Variants in PRDM5 observed in about 807,000 individuals in gnomAD.
The protein encoded by PRDM5 is PR domain zinc finger protein 5.
In PRDM5, 56 loss-of-function variants were observed where a neutral mutation model predicts 81.2. The ratio of observed to expected loss-of-function variants is 0.69; its 90% CI spans 0.56 to 0.86. The LOEUF is 0.86. Ranked by LOEUF, PRDM5 falls within the 40% of genes least tolerant of loss-of-function variation. The pLI, the probability that PRDM5 is intolerant of heterozygous loss-of-function variation, is 0.00. For synonymous variants in PRDM5, 267 were observed against 256.4 expected (o/e 1.04, Z -0.39); for missense variants, 697 against 770.1 (o/e 0.91, Z 1.12).
chr4:120,687,528 C>T (rs534103040), downstream of PRDM5, among the ~76,000 whole-genome samples: 1 of 151,992 alleles, frequency 6.6e-6, no homozygotes, highest in Admixed American at 6.6e-5. Flanking sequence ...TCCATTCATC[C>T]ACTGATGAAC....
At chr4:120,758,077 G>A (rs1215983798) in intron 13 of PRDM5, among the ~76,000 whole-genome samples, 3 of 152,038 alleles carry the variant, frequency 2.0e-5, no homozygotes, top group African/African-American at 7.3e-5. Flanking sequence ...TTACATCATT[G>A]GCTCACCTGG....
intron 13 of PRDM5, among the ~76,000 whole-genome samples, chr4:120,766,604 T>C (rs562242523): frequency 6.6e-6 from 1 of 152,270 alleles, no homozygotes; most frequent in South Asian, 2.1e-4. Flanking sequence ...CTATGGTATG[T>C]TCAAGAGTAA....
Position 120,754,656 on chromosome 4 carries a change from C to T in PRDM5, c.1538-18G>A. On this transcript the variant is annotated intron_variant, in intron 13 of 15. Transcript: ENST00000264808. The stretch of plus-strand genomic sequence containing the variant: ...ACGCTCACCTACAAATAAAGGAAGC[C>T]TCCATGTCAGAAAAACATGAAGTAG... The T allele has an allele frequency of 6.5e-7, 1 of 1,531,390 alleles. No homozygotes were observed. Among genetic ancestry groups the T allele is most frequent in the Non-Finnish European group, 9.0e-7 (1 of 1,106,448 alleles). The allele number at this position is 1,531,390 out of a possible 1,614,324, so 94.9% of individuals were successfully genotyped here.
intron 1 of PRDM5, among the ~76,000 whole-genome samples, chr4:120,909,781 G>A (rs1164820698): frequency 6.6e-6 from 1 of 152,102 alleles, no homozygotes; most frequent in African/African-American, 2.4e-5. Flanking sequence ...TTAAAGCTCT[G>A]AAAATTCAGA....
intron 12 of PRDM5, among the ~76,000 whole-genome samples, chr4:120,778,664 A>T (rs3804166): frequency 0.21 from 31,590 of 152,048 alleles, 3,761 homozygotes; most frequent in Non-Finnish European, 0.28. Context: ...AACAATTTAT[A>T]TTATACTCGA....
intron 11 of PRDM5, among the ~76,000 whole-genome samples, chr4:120,783,173 T>G (rs75957404): frequency 6.6e-6 from 1 of 152,144 alleles, no homozygotes; most frequent in Non-Finnish European, 1.5e-5. Flanking sequence ...AATTTTCATA[T>G]TGCATAAGAC....
rs115877864 is a variant in PRDM5 at position 120,883,059 on chromosome 4, T to C, written c.177+24415A>G. On this transcript the variant is annotated intron_variant, in intron 2 of 15. Coordinates refer to ENST00000264808, the MANE Select transcript of PRDM5 (RefSeq NM_018699.4). Reference sequence around the variant, plus strand: ...AGCCATATGTAACCAGTTGCTACCATAGTGGACAGTGGCCATTTGTATGCT... The same window carrying C: ...AGCCATATGTAACCAGTTGCTACCACAGTGGACAGTGGCCATTTGTATGCT... Among the ~76,000 whole-genome samples, 305 of 152,346 alleles carry C rather than the reference T, an allele frequency of 2.0e-3. 1 individual carries two copies. The highest frequency in any genetic ancestry group is 7.0e-3 in the African/African-American group (293 of 41,580).
At chr4:120,850,457 C>T (rs1759130609) in intron 3 of PRDM5, among the ~76,000 whole-genome samples, 1 of 152,106 alleles carries the variant, frequency 6.6e-6, no homozygotes, top group African/African-American at 2.4e-5. Flanking sequence ...CTCAGCAATC[C>T]TCTACTCCAG....
intron 2 of PRDM5, among the ~76,000 whole-genome samples, chr4:120,864,636 T>C (rs1004453293): frequency 8.5e-5 from 13 of 152,214 alleles, no homozygotes; most frequent in Non-Finnish European, 1.5e-4. Flanking sequence ...CTGAGTGTCA[T>C]TGATCAGTAT....
chr4:120,863,732 TAA>T (rs2148509896), intron 2 of PRDM5, among the ~76,000 whole-genome samples: 1 of 152,310 alleles, frequency 6.6e-6, no homozygotes, highest in African/African-American at 2.4e-5. Context: ...GGAGTAATTA[TAA>T]GAAATTATTG....
intron 3 of PRDM5, among the ~76,000 whole-genome samples, chr4:120,833,280 A>G (rs781040835): frequency 1.3e-5 from 2 of 152,130 alleles, no homozygotes; most frequent in Non-Finnish European, 2.9e-5. Context: ...CCGGGACAGG[A>G]GTCCTCCCTT....
intron 2 of PRDM5, among the ~76,000 whole-genome samples, chr4:120,861,338 A>G (rs7663873): frequency 0.21 from 32,102 of 152,102 alleles, 3,701 homozygotes; most frequent in Non-Finnish European, 0.25. Context: ...TTTTCCCTAC[A>G]GCATATTAAA....
chr4:120,687,526 T>C (rs571438543), downstream of PRDM5, among the ~76,000 whole-genome samples: 1 of 152,266 alleles, frequency 6.6e-6, no homozygotes, highest in East Asian at 1.9e-4. Context: ...TATCCATTCA[T>C]CCACTGATGA....
intron 14 of PRDM5, among the ~76,000 whole-genome samples, chr4:120,737,232 A>G (rs1561028303): frequency 6.6e-6 from 1 of 152,204 alleles, no homozygotes; most frequent in Non-Finnish European, 1.5e-5. Flanking sequence ...CAGACAGGCA[A>G]CCAGGGAAGG....
chr4:120,894,793 A>G (rs745982663), intron 2 of PRDM5, among the ~76,000 whole-genome samples: 8 of 152,210 alleles, frequency 5.3e-5, no homozygotes, highest in Non-Finnish European at 1.0e-4. Flanking sequence ...ATTTTGGATG[A>G]TTTTGCAATT....
intron 15 of PRDM5, among the ~76,000 whole-genome samples, chr4:120,699,944 A>AAAATAAATAAAT (rs5861483): frequency 0.029 from 4,294 of 148,572 alleles, 109 homozygotes; most frequent in African/African-American, 0.07. Context: ...ATATAGAACC[A>AAAATAAATAAAT]AAATAAATAA....
chr4:120,852,803 C>T (rs369492312), intron 3 of PRDM5, among the ~76,000 whole-genome samples: 1 of 138,784 alleles, frequency 7.2e-6, no homozygotes, highest in East Asian at 2.1e-4. Flanking sequence ...TATATCCTTT[C>T]TTTTTTTTTT....
rs141379322 is a variant in PRDM5 at position 120,867,236 on chromosome 4, C to T, written c.178-13696G>A. Among the ~76,000 whole-genome samples, 1,004 of 152,162 alleles carry T rather than the reference C, an allele frequency of 6.6e-3. 16 individuals are homozygous for T. The highest frequency in any genetic ancestry group is 0.023 in the African/African-American group (958 of 41,502). Reference sequence around the variant, plus strand: ...CCCTTAAGCAGAAAACCTACCTGGACTTCTCACCCACACAACTGTGAGATA... The same window carrying T: ...CCCTTAAGCAGAAAACCTACCTGGATTTCTCACCCACACAACTGTGAGATA... On this transcript the variant is annotated intron_variant, in intron 2 of 15. Transcript: ENST00000264808.
chr4:120,890,488 A>T (rs1763923588), intron 2 of PRDM5, among the ~76,000 whole-genome samples: 1 of 152,236 alleles, frequency 6.6e-6, no homozygotes, highest in Admixed American at 6.5e-5. Flanking sequence ...ACACCCAATA[A>T]TGGGAATGCT....
Sources: gnomAD v4.1 joint callset for allele counts (sites outside exome capture counted in the v4.1 genomes callset) on GRCh38, gnomAD v4.1.1 for gene constraint, MANE v1.5 for transcripts, NCBI Gene and HGNC (gene_info 2026-07-23, HGNC 2026-07-21) for gene names.